The following RALYL variants were observed in gnomAD, a reference collection of about 807,000 sequenced individuals.
The protein encoded by RALYL is RALY RNA binding protein like, also known as RNA-binding Raly-like protein.
In RALYL, 29 loss-of-function variants were observed where a neutral mutation model predicts 35.1. The observed-to-expected ratio is 0.83, with a 90% CI of 0.61 to 1.13. RALYL has a LOEUF of 1.13. RALYL is among the 50% of genes most tolerant of loss of function. RALYL has a pLI of 0.00. For synonymous variants in RALYL, 120 were observed against 127.6 expected (o/e 0.94, Z 0.40); for missense variants, 359 against 360.4 (o/e 1.00, Z 0.03).
intron 1 of RALYL, among the ~76,000 whole-genome samples, chr8:84,293,581 A>T (rs1011868486): frequency 6.6e-6 from 1 of 152,080 alleles, no homozygotes; most frequent in African/African-American, 2.4e-5. Context: ...TTTCTTTGAT[A>T]CTCCAAACCC....
At chr8:84,370,069 C>A (rs1456304523) in intron 1 of RALYL, among the ~76,000 whole-genome samples, 3 of 152,094 alleles carry the variant, frequency 2.0e-5, no homozygotes, top group African/African-American at 4.8e-5. Context: ...AACAGTGATG[C>A]TTTACACAGC....
intron 1 of RALYL, among the ~76,000 whole-genome samples, chr8:84,292,247 A>G (rs150562552): frequency 1.2e-3 from 185 of 152,282 alleles, no homozygotes; most frequent in African/African-American, 4.3e-3. Flanking sequence ...ATCCATTTAT[A>G]TTCTTAGCAG....
intron 6 of RALYL, 156 bp from the exon 7 acceptor site, chr8:84,873,128 G>A (rs1248947143): frequency 1.7e-5 from 8 of 466,686 alleles, no homozygotes; most frequent in Admixed American, 4.0e-5. Flanking sequence ...AGTATTCCAG[G>A]ATCACTAGAA....
intron 1 of RALYL, among the ~76,000 whole-genome samples, chr8:84,457,474 T>C (rs906758112): frequency 1.3e-5 from 2 of 151,976 alleles, no homozygotes; most frequent in South Asian, 2.1e-4. Context: ...TCTAATGATA[T>C]ACAAAGTGTT....
intron 1 of RALYL, among the ~76,000 whole-genome samples, chr8:84,337,028 A>G (rs1371871787): frequency 2.0e-5 from 3 of 150,388 alleles, no homozygotes; most frequent in African/African-American, 7.4e-5. Flanking sequence ...GTATCTATGT[A>G]TCTAGTTGCT....
At chr8:84,776,556 T>C (rs545121981) in intron 3 of RALYL, among the ~76,000 whole-genome samples, 1 of 152,316 alleles carries the variant, frequency 6.6e-6, no homozygotes, top group African/African-American at 2.4e-5. Flanking sequence ...AACCGAGAAA[T>C]TTTTATCAGA....
chr8:84,494,493 C>G (rs1011931635), intron 1 of RALYL, among the ~76,000 whole-genome samples: 5 of 152,122 alleles, frequency 3.3e-5, no homozygotes, highest in African/African-American at 2.4e-5. Flanking sequence ...TTACTTTGGG[C>G]AGTATGGCCA....
At chr8:84,738,030 C>A (rs905558785) in intron 2 of RALYL, among the ~76,000 whole-genome samples, 1 of 151,976 alleles carries the variant, frequency 6.6e-6, no homozygotes, top group Non-Finnish European at 1.5e-5. Flanking sequence ...GGTGTGTGAT[C>A]GAATTAGGTG....
In RALYL at chr8:84,543,756, A is replaced by C. The variant is rs779680863; in HGVS notation, c.256+14179A>C. ...AGTTTCCTTTATTTCTGATATGACAAAATGTTTCTGAGTCATAATTTCCTG... is the reference window on the plus strand; with the variant it reads ...AGTTTCCTTTATTTCTGATATGACACAATGTTTCTGAGTCATAATTTCCTG... On this transcript the variant is annotated intron_variant, in intron 2 of 8. Transcript: ENST00000521268. 2.0e-5 allele frequency among the ~76,000 whole-genome samples: 3 copies of C among 152,132 alleles called. No homozygotes were observed. In the South Asian group the frequency reaches 6.2e-4, roughly 32 times the overall value.
At chr8:84,476,685 A>C (rs2053461688) in intron 1 of RALYL, among the ~76,000 whole-genome samples, 3 of 152,182 alleles carry the variant, frequency 2.0e-5, no homozygotes, top group Admixed American at 2.0e-4. Context: ...TTATACAGAC[A>C]TCCATGGAAT....
intron 1 of RALYL, among the ~76,000 whole-genome samples, chr8:84,277,642 C>T (rs1319340352): frequency 6.6e-6 from 1 of 152,194 alleles, no homozygotes; most frequent in East Asian, 1.9e-4. Flanking sequence ...TTCCTAGATT[C>T]AGTGGGGGTA....
chr8:84,626,706 TTTG>T (rs1283888722), intron 2 of RALYL, among the ~76,000 whole-genome samples: 5 of 152,286 alleles, frequency 3.3e-5, no homozygotes, highest in East Asian at 1.9e-4. Context: ...CTTGAGAAAC[TTTG>T]TTAAGTCTGA....
intron 1 of RALYL, among the ~76,000 whole-genome samples, chr8:84,425,766 G>A (rs1436624078): frequency 6.7e-6 from 1 of 148,678 alleles, no homozygotes; most frequent in African/African-American, 2.6e-5. Flanking sequence ...TCAATTTTTA[G>A]AAAGCCAGTT....
At chr8:84,508,227 A>G (rs1289370426) in intron 1 of RALYL, among the ~76,000 whole-genome samples, 1 of 152,144 alleles carries the variant, frequency 6.6e-6, no homozygotes, top group African/African-American at 2.4e-5. Flanking sequence ...TCTAATTTAT[A>G]AACAGGATAA....
At chr8:84,444,755 G>C (rs2048689918) in intron 1 of RALYL, among the ~76,000 whole-genome samples, 1 of 152,072 alleles carries the variant, frequency 6.6e-6, no homozygotes, top group African/African-American at 2.4e-5. Flanking sequence ...GTAAATTTAA[G>C]TAATTTAATT....
intron 1 of RALYL, among the ~76,000 whole-genome samples, chr8:84,227,768 T>C (rs951352733): frequency 1.3e-5 from 2 of 152,160 alleles, no homozygotes; most frequent in African/African-American, 2.4e-5. Context: ...TTATGGGTAA[T>C]TAGGTACTAT....
At chr8:84,264,393 G>A (rs768335445) in intron 1 of RALYL, among the ~76,000 whole-genome samples, 6 of 149,554 alleles carry the variant, frequency 4.0e-5, no homozygotes, top group African/African-American at 1.2e-4. Flanking sequence ...CATATGTTTC[G>A]TGGTTGCATG....
intron 3 of RALYL, among the ~76,000 whole-genome samples, chr8:84,796,918 T>C (rs1822060322): frequency 1.3e-5 from 2 of 152,236 alleles, no homozygotes; most frequent in South Asian, 4.1e-4. Context: ...CTTTATCTTT[T>C]CTTAAGAGTA....
intron 2 of RALYL, among the ~76,000 whole-genome samples, chr8:84,547,540 C>T (rs1025583697): frequency 6.6e-6 from 1 of 151,870 alleles, no homozygotes; most frequent in African/African-American, 2.4e-5. Context: ...CTACCACGCC[C>T]GTCTAATCGT....
Sources: allele counts gnomAD v4.1 joint callset (sites outside exome capture counted in the v4.1 genomes callset), GRCh38; gene constraint gnomAD v4.1.1; transcripts MANE v1.5; gene names NCBI Gene and HGNC (gene_info 2026-07-23, HGNC 2026-07-21).